Variants in DOK6 observed in about 807,000 individuals in gnomAD.
DOK6 encodes the protein downstream of tyrosine kinase 6.
DOK6 carries 22 observed loss-of-function variants against 44.0 expected under a neutral mutation model. The ratio of observed to expected loss-of-function variants is 0.50; its 90% CI spans 0.36 to 0.71. The LOEUF is 0.71. Among genes scored for constraint, DOK6 ranks in the 30% least tolerant of loss-of-function variants. The pLI is 0.00. For synonymous variants in DOK6, 166 were observed against 145.5 expected (o/e 1.14, Z -1.01); for missense variants, 340 against 416.4 (o/e 0.82, Z 1.60).
chr18:69,617,624 AGAGG>A (rs1176353596), intron 3 of DOK6, among the ~76,000 whole-genome samples: 1 of 150,584 alleles, frequency 6.6e-6, no homozygotes, highest in African/African-American at 2.4e-5. Flanking sequence ...AAAGAAAGAA[AGAGG>A]GAGGGAGGAA....
chr18:69,686,740 AAT>A, intron 4 of DOK6, among the ~76,000 whole-genome samples: 1 of 104,012 alleles, frequency 9.6e-6, no homozygotes, highest in East Asian at 2.8e-4. Context: ...AAAACAAGAT[AAT>A]ATAAGACACT....
chr18:69,511,428 A>C (rs1251992011), intron 1 of DOK6, among the ~76,000 whole-genome samples: 1 of 152,192 alleles, frequency 6.6e-6, no homozygotes, highest in African/African-American at 2.4e-5. Flanking sequence ...AATAAGGGTA[A>C]ATATTTGAAG....
intron 5 of DOK6, among the ~76,000 whole-genome samples, chr18:69,732,462 G>A (rs1978442244): frequency 6.6e-6 from 1 of 151,894 alleles, no homozygotes; most frequent in African/African-American, 2.4e-5. Flanking sequence ...TTTTGATTCT[G>A]AATTTTTGAG....
At chr18:69,669,148 G>A (rs1188356776) in intron 3 of DOK6, among the ~76,000 whole-genome samples, 2 of 152,132 alleles carry the variant, frequency 1.3e-5, no homozygotes, top group East Asian at 3.9e-4. Context: ...AGGTTCAGGG[G>A]AGTGCATGTG....
intron 1 of DOK6, among the ~76,000 whole-genome samples, chr18:69,516,260 A>G (rs1411854930): frequency 2.0e-5 from 3 of 152,194 alleles, no homozygotes; most frequent in African/African-American, 7.2e-5. Flanking sequence ...AGAATTTAAA[A>G]TTATACCTTA....
In DOK6 at chr18:69,781,690, A is replaced by G. The variant is rs141169269; in HGVS notation, c.856+23817A>G. Among the ~76,000 whole-genome samples the G allele has an allele frequency of 2.1e-3, 314 of 152,308 alleles. 2 individuals are homozygous for G. The highest frequency in any genetic ancestry group is 7.5e-3 in the African/African-American group (310 of 41,582). ...TATGCAGGATTATATAATATTCGTT[A>G]TTTTAATTAACATTTTCATATATTG... is the stretch of plus-strand genomic sequence containing the variant. On this transcript the variant is annotated intron_variant, in intron 7 of 7. Transcript: ENST00000382713.
chr18:69,667,501 A>C (rs1985690385), intron 3 of DOK6, among the ~76,000 whole-genome samples: 1 of 152,194 alleles, frequency 6.6e-6, no homozygotes, highest in African/African-American at 2.4e-5. Context: ...CTTAAGAAAA[A>C]GGTAACAAAA....
At chr18:69,768,780 G>A (rs1003857012) in intron 7 of DOK6, among the ~76,000 whole-genome samples, 5 of 151,654 alleles carry the variant, frequency 3.3e-5, no homozygotes, top group African/African-American at 1.2e-4. Flanking sequence ...CACAGTGGTG[G>A]GCAGGTGTGA....
chr18:69,695,754 G>A (rs1361669153), intron 4 of DOK6, among the ~76,000 whole-genome samples: 1 of 152,086 alleles, frequency 6.6e-6, no homozygotes, highest in African/African-American at 2.4e-5. Context: ...TTAGCTGTTA[G>A]GAGAGAATAG....
intron 1 of DOK6, among the ~76,000 whole-genome samples, chr18:69,407,962 G>T (rs931871551): frequency 6.6e-6 from 1 of 152,136 alleles, no homozygotes; most frequent in Non-Finnish European, 1.5e-5. Flanking sequence ...AACTTGTAAA[G>T]ACTTATCACA....
chr18:69,424,593 A>G (rs1172659117), intron 1 of DOK6, among the ~76,000 whole-genome samples: 1 of 151,442 alleles, frequency 6.6e-6, no homozygotes, highest in African/African-American at 2.4e-5. Context: ...AACATTTTAC[A>G]TTTTAATAAA....
chr18:69,676,928 A>C (rs989720658), intron 3 of DOK6, among the ~76,000 whole-genome samples: 1 of 152,218 alleles, frequency 6.6e-6, no homozygotes, highest in South Asian at 2.1e-4. Flanking sequence ...TGTTTTAAGC[A>C]AGAGGAAAAT....
chr18:69,629,787 T>G (rs1984647679), intron 3 of DOK6, among the ~76,000 whole-genome samples: 3 of 123,066 alleles, frequency 2.4e-5, no homozygotes, highest in African/African-American at 9.6e-5. Flanking sequence ...TTGTTTGTTT[T>G]TGTTTGTTTG....
intron 3 of DOK6, among the ~76,000 whole-genome samples, chr18:69,636,462 C>A (rs1276424269): frequency 1.3e-5 from 2 of 152,124 alleles, no homozygotes; most frequent in Non-Finnish European, 2.9e-5. Flanking sequence ...AAAAAGGAAG[C>A]CATCCAGGCA....
At chr18:69,655,761 C>CAAAAAAAAAAA (rs74175379) in intron 3 of DOK6, among the ~76,000 whole-genome samples, 19 of 43,148 alleles carry the variant, frequency 4.4e-4, no homozygotes, top group Non-Finnish European at 5.5e-4. Flanking sequence ...CCCCACCCCT[C>CAAAAAAAAAAA]AAAAAAAAAA....
intron 4 of DOK6, among the ~76,000 whole-genome samples, chr18:69,689,552 T>C (rs1986221014): frequency 6.6e-6 from 1 of 152,206 alleles, no homozygotes; most frequent in Admixed American, 6.5e-5. Context: ...ATATGTATTT[T>C]GAATATTTAT....
At chr18:69,836,464 T>G (rs1982057006) in intron 7 of DOK6, among the ~76,000 whole-genome samples, 1 of 152,164 alleles carries the variant, frequency 6.6e-6, no homozygotes, top group Non-Finnish European at 1.5e-5. Flanking sequence ...AGAGTATACT[T>G]GAACTATGAG....
chr18:69,488,581 G>A (rs954468509), intron 1 of DOK6, among the ~76,000 whole-genome samples: 34 of 152,308 alleles, frequency 2.2e-4, no homozygotes, highest in African/African-American at 7.9e-4. Context: ...TCACAATCAT[G>A]GGGGGAGGTG....
intron 1 of DOK6, among the ~76,000 whole-genome samples, chr18:69,496,535 C>T (rs765232746): frequency 1.3e-5 from 2 of 152,264 alleles, no homozygotes; most frequent in Non-Finnish European, 2.9e-5. Context: ...AAATTTCACA[C>T]AGTTCCCCAA....
Sources: allele counts gnomAD v4.1 joint callset (sites outside exome capture counted in the v4.1 genomes callset), GRCh38; gene constraint gnomAD v4.1.1; transcripts MANE v1.5; gene names NCBI Gene and HGNC (gene_info 2026-07-23, HGNC 2026-07-21).